Variants in CCN6 observed in about 807,000 individuals in gnomAD.
CCN6 encodes the protein cellular communication network factor 6.
CCN6 carries 31 observed loss-of-function variants against 37.4 expected under a neutral mutation model. The ratio of observed to expected loss-of-function variants is 0.83; its 90% CI spans 0.62 to 1.12. CCN6 has a LOEUF of 1.12. Among genes scored for constraint, CCN6 ranks in the 50% most tolerant of loss-of-function variants. CCN6 has a pLI of 0.00. For missense variants in CCN6, 369 were observed against 413.8 expected, an observed-to-expected ratio of 0.89 and a Z score of 0.94; for synonymous variants, 137 against 142.1, an observed-to-expected ratio of 0.96 and a Z score of 0.26.
chr6:112,056,632 C>T (rs1372255793), intron 1 of CCN6, among the ~76,000 whole-genome samples: 1 of 152,174 alleles, frequency 6.6e-6, no homozygotes, highest in South Asian at 2.1e-4. Context: ...TCTCCTGTCT[C>T]AGCCTCCTGA....
chr6:112,056,441 T>C (rs587684632), intron 1 of CCN6, among the ~76,000 whole-genome samples: 2 of 152,264 alleles, frequency 1.3e-5, no homozygotes, highest in South Asian at 4.1e-4. Context: ...TCCTCCTCCT[T>C]CTTTTGATGA....
chr6:112,061,360 G>A (rs1562595552), intron 2 of CCN6, 72 bp downstream of exon 2: 17 of 1,604,164 alleles, frequency 1.1e-5, no homozygotes, highest in Non-Finnish European at 1.4e-5. Context: ...GCAATTGTTA[G>A]CTTGGAGTGA....
At chr6:112,063,170 C>T (rs1776578097) in intron 2 of CCN6, among the ~76,000 whole-genome samples, 1 of 152,046 alleles carries the variant, frequency 6.6e-6, no homozygotes, top group South Asian at 2.1e-4. Context: ...ATGTGTTTTT[C>T]TGGTTGAAAT....
At chr6:112,058,394 G>C (rs1285711906) in intron 1 of CCN6, among the ~76,000 whole-genome samples, 1 of 152,136 alleles carries the variant, frequency 6.6e-6, no homozygotes, top group African/African-American at 2.4e-5. Context: ...AACAGTCCCT[G>C]GTTCCATCAA....
intron 3 of CCN6, among the ~76,000 whole-genome samples, chr6:112,065,612 A>ACACACACACACACGTGCG: frequency 1.5e-5 from 2 of 133,394 alleles, no homozygotes; most frequent in African/African-American, 5.7e-5. Flanking sequence ...ACACACACGC[A>ACACACACACACACGTGCG]CACACACACG....
intron 3 of CCN6, 149 bp downstream of exon 3, chr6:112,065,146 C>G: frequency 7.9e-7 from 1 of 1,268,034 alleles, no homozygotes. Context: ...TAATCTTTGC[C>G]TCAGACAGGG....
chr6:112,054,188 T>G lies in CCN6; in HGVS notation c.-170T>G. Reference sequence around the variant, plus strand: ...TAAACAGGGTATTAAAACGGATCCTTAAAAATGAAAGTGCAGGCTGAAAGT... The same window carrying G: ...TAAACAGGGTATTAAAACGGATCCTGAAAAATGAAAGTGCAGGCTGAAAGT... On this transcript the variant is annotated 5_prime_UTR_variant, in exon 1 of 5. Coordinates refer to ENST00000368666, the MANE Select transcript of CCN6 (RefSeq NM_198239.2). 1 of 928,316 alleles carries G rather than the reference T, an allele frequency of 1.1e-6. No individual in the cohort carries two copies. Among genetic ancestry groups the G allele is most frequent in the East Asian group, 2.4e-5 (1 of 41,770 alleles). 57.5% of individuals were successfully genotyped at this position (928,316 alleles called of 1,614,324 possible).
rs781817360 is a variant in CCN6, at chr6:112,069,595, T to C, written c.1040T>C (p.Ile347Thr). ...CQRNCREPGD[I>T]FSELKIL ...AGAAACTGCAGAGAACCTGGAGATA[T>C]ATTTTCTGAGCTCAAGATTCTGTAA... is the stretch of plus-strand genomic sequence containing the variant. Residue 347 changes from isoleucine (I) to threonine (T), a missense_variant, in exon 5 of 5, where the codon ATA becomes ACA. Coordinates refer to ENST00000368666, the MANE Select transcript of CCN6 (RefSeq NM_198239.2). The C allele has an allele frequency of 2.4e-5, 39 of 1,613,588 alleles. No homozygotes were observed. Among genetic ancestry groups the C allele is most frequent in the East Asian group, 1.3e-4 (6 of 44,814 alleles).
At chr6:112,066,896 G>C (rs977526209) in intron 3 of CCN6, 9 of 1,197,698 alleles carry the variant, frequency 7.5e-6, no homozygotes, top group South Asian at 1.3e-5. Context: ...GTAAATTCCT[G>C]AACTACAGCT....
intron 4 of CCN6, among the ~76,000 whole-genome samples, chr6:112,068,616 T>C (rs1213965948): frequency 6.6e-6 from 1 of 152,160 alleles, no homozygotes; most frequent in Non-Finnish European, 1.5e-5. Flanking sequence ...TTCTTTTTTC[T>C]ATGTTAATGA....
intron 3 of CCN6, chr6:112,067,112 T>C (rs1198405952): frequency 2.8e-5 from 31 of 1,104,620 alleles, no homozygotes; most frequent in Non-Finnish European, 3.6e-5. Context: ...CTGAAAGCAG[T>C]GTCACAGTAT....
chr6:112,061,830 T>C (rs10484464), intron 2 of CCN6, among the ~76,000 whole-genome samples: 4,311 of 152,260 alleles, frequency 0.028, 200 homozygotes, highest in African/African-American at 0.1. Context: ...TGTGACTAAG[T>C]TCTGGAGACT....
At chr6:112,054,560 A>G in intron 1 of CCN6, 155 bp downstream of exon 1, 2 of 720,260 alleles carry the variant, frequency 2.8e-6, no homozygotes, top group Non-Finnish European at 4.9e-6. Context: ...TTTCTTTCCA[A>G]ATAAAGTTCT....
intron 2 of CCN6, among the ~76,000 whole-genome samples, chr6:112,062,686 A>G (rs2114450621): frequency 6.6e-6 from 1 of 152,360 alleles, no homozygotes; most frequent in South Asian, 2.1e-4. Flanking sequence ...AACATGGCAC[A>G]TTAATGTAGA....
chr6:112,053,328 C>T (rs1776258029), upstream of CCN6, among the ~76,000 whole-genome samples: 1 of 149,878 alleles, frequency 6.7e-6, no homozygotes, highest in Admixed American at 6.6e-5. Context: ...ATAATTCTCA[C>T]TCTTGTCCCC....
Position 112,054,109 on chromosome 6 carries a change from T to A in CCN6, c.-249T>A. ...CGGGAGGAAAGTGCTCGCCCATTCC[T>A]GACCTGTGACACGCTCACTGCGAAG... is the stretch of plus-strand genomic sequence containing the variant. On this transcript the variant is annotated 5_prime_UTR_variant, in exon 1 of 5. Coordinates refer to ENST00000368666, the MANE Select transcript of CCN6 (RefSeq NM_198239.2). The A allele has an allele frequency of 1.5e-6, 1 of 663,122 alleles. No individual in the cohort carries two copies. The highest frequency in any genetic ancestry group is 1.8e-5 in the African/African-American group (1 of 56,312). The allele number at this position is 663,122 out of a possible 1,614,324, so 41.1% of individuals were successfully genotyped here.
At chr6:112,060,262 G>C (rs1756815480) in intron 1 of CCN6, among the ~76,000 whole-genome samples, 1 of 152,112 alleles carries the variant, frequency 6.6e-6, no homozygotes, top group Non-Finnish European at 1.5e-5. Flanking sequence ...GATGTCAAGT[G>C]GACAAAGGAG....
chr6:112,068,960 T>C (rs1554314614), intron 4 of CCN6, among the ~76,000 whole-genome samples: 1 of 152,158 alleles, frequency 6.6e-6, no homozygotes, highest in Non-Finnish European at 1.5e-5. Flanking sequence ...AAAGAAAGAT[T>C]AGGATAATTA....
chr6:112,052,854 C>T (rs1046355475), upstream of CCN6, among the ~76,000 whole-genome samples: 7 of 152,096 alleles, frequency 4.6e-5, no homozygotes, highest in Admixed American at 2.6e-4. Context: ...GTGTGATCTG[C>T]AGGTTTTAGG....
Sources: allele counts gnomAD v4.1 joint callset (sites outside exome capture counted in the v4.1 genomes callset), GRCh38; gene constraint gnomAD v4.1.1; transcripts MANE v1.5; gene names NCBI Gene and HGNC (gene_info 2026-07-23, HGNC 2026-07-21).